RNF220: variants seen among roughly 807,000 people sequenced by gnomAD.
The protein encoded by RNF220 is ring finger protein 220, also known as E3 ubiquitin-protein ligase RNF220.
In RNF220, 7 loss-of-function variants were observed where a neutral mutation model predicts 67.1. That is an observed-to-expected ratio of 0.10 (90% CI 0.06 to 0.20). The LOEUF is 0.20. RNF220 is among the 10% of genes least tolerant of loss of function. The pLI is 1.00. For synonymous variants in RNF220, 270 were observed against 283.2 expected, an observed-to-expected ratio of 0.95 and a Z score of 0.47; for missense variants, 565 against 740.3, an observed-to-expected ratio of 0.76 and a Z score of 2.75.
At chr1:44,487,734 G>T (rs1003553407) in intron 2 of RNF220, among the ~76,000 whole-genome samples, 2 of 149,216 alleles carry the variant, frequency 1.3e-5, no homozygotes, top group Admixed American at 6.7e-5. Context: ...ACAAAAATTA[G>T]CTGAGCATGG....
intron 5 of RNF220, among the ~76,000 whole-genome samples, chr1:44,630,045 C>T (rs1322585283): frequency 2.6e-5 from 4 of 152,220 alleles, no homozygotes; most frequent in Admixed American, 2.6e-4. Flanking sequence ...TCAGCTATGT[C>T]GGATTTTTAA....
chr1:44,415,854 A>G (rs913648242), intron 2 of RNF220, among the ~76,000 whole-genome samples: 1 of 152,238 alleles, frequency 6.6e-6, no homozygotes, highest in African/African-American at 2.4e-5. Context: ...CACTACATCA[A>G]TCTGCAGATA....
intron 2 of RNF220, among the ~76,000 whole-genome samples, chr1:44,414,359 T>C (rs1326743282): frequency 2.0e-5 from 3 of 152,234 alleles, no homozygotes; most frequent in African/African-American, 4.8e-5. Flanking sequence ...CAAATACAAG[T>C]TGAAAATGAA....
chr1:44,638,280 A>T (rs1243975531), intron 8 of RNF220: 1 of 152,280 alleles, frequency 6.6e-6, no homozygotes, highest in African/African-American at 2.4e-5. Flanking sequence ...TGTGATTGAA[A>T]GGCAGTTAAA....
chr1:44,585,422 A>C (rs1296203099), intron 2 of RNF220, among the ~76,000 whole-genome samples: 1 of 152,212 alleles, frequency 6.6e-6, no homozygotes, highest in African/African-American at 2.4e-5. Context: ...CTTCTGGAAC[A>C]GTGTCATGCC....
chr1:44,559,111 C>T (rs1663353466), intron 2 of RNF220, among the ~76,000 whole-genome samples: 1 of 152,228 alleles, frequency 6.6e-6, no homozygotes, highest in East Asian at 1.9e-4. Context: ...ATTAAACTTG[C>T]CTTCTCGCTC....
At chr1:44,577,929 T>G (rs1664934867) in intron 2 of RNF220, among the ~76,000 whole-genome samples, 1 of 151,658 alleles carries the variant, frequency 6.6e-6, no homozygotes, top group Admixed American at 6.6e-5. Context: ...CTTGACCTTC[T>G]GGGCTCAAGT....
intron 2 of RNF220, among the ~76,000 whole-genome samples, chr1:44,547,571 G>T (rs1398040562): frequency 2.6e-5 from 4 of 151,776 alleles, no homozygotes; most frequent in Non-Finnish European, 5.9e-5. Flanking sequence ...GTGTTTCCCA[G>T]TGTTCTACCT....
intron 2 of RNF220, among the ~76,000 whole-genome samples, chr1:44,607,466 T>C (rs1246815026): frequency 6.6e-6 from 1 of 150,798 alleles, no homozygotes; most frequent in Non-Finnish European, 1.5e-5. Context: ...TTCTCCTGTA[T>C]ACCTTCAAAT....
At position 44,604,430 on chromosome 1, in the gene RNF220, G is replaced by T. The variant is rs183241098; in HGVS notation, c.626-9735G>T. Among the ~76,000 whole-genome samples, 435 of 152,354 alleles carry T rather than the reference G, an allele frequency of 2.9e-3. 2 individuals carry two copies. Among genetic ancestry groups the T allele is most frequent in the African/African-American group, 9.8e-3 (407 of 41,578 alleles). ...GAAACTGAATTGTAGCTCCACAAGA[G>T]GACAGAGGCTGTAGTTATGTTTGAA... On this transcript the variant is annotated intron_variant, in intron 2 of 14. Coordinates refer to ENST00000361799, the MANE Select transcript of RNF220 (RefSeq NM_018150.4).
At chr1:44,628,042 A>G (rs1226353751) in intron 5 of RNF220, among the ~76,000 whole-genome samples, 1 of 152,236 alleles carries the variant, frequency 6.6e-6, no homozygotes, top group African/African-American at 2.4e-5. Flanking sequence ...GAAGCCCAAT[A>G]AGCCCCTGGG....
chr1:44,608,348 G>C (rs1295174745), intron 2 of RNF220, among the ~76,000 whole-genome samples: 1 of 152,206 alleles, frequency 6.6e-6, no homozygotes, highest in Non-Finnish European at 1.5e-5. Context: ...TGGCATCTGT[G>C]CTATAGCGAC....
chr1:44,415,600 C>T (rs936573326), intron 2 of RNF220, among the ~76,000 whole-genome samples: 1 of 151,218 alleles, frequency 6.6e-6, no homozygotes, highest in African/African-American at 2.4e-5. Flanking sequence ...TTTCAGTTCT[C>T]TTCATATAAA....
chr1:44,507,978 A>G (rs1252956849), intron 2 of RNF220, among the ~76,000 whole-genome samples: 1 of 151,762 alleles, frequency 6.6e-6, no homozygotes, highest in Non-Finnish European at 1.5e-5. Context: ...TGGGCTCGGG[A>G]CAGACAGTCC....
intron 2 of RNF220, among the ~76,000 whole-genome samples, chr1:44,579,675 T>C (rs915350006): frequency 6.6e-6 from 1 of 152,172 alleles, no homozygotes. Flanking sequence ...CCTCATACTG[T>C]GACTTCTGCT....
At chr1:44,593,717 C>CA (rs1453772256) in intron 2 of RNF220, among the ~76,000 whole-genome samples, 1 of 151,632 alleles carries the variant, frequency 6.6e-6, no homozygotes, top group Admixed American at 6.6e-5. Flanking sequence ...GACCCTGTCT[C>CA]AAAAAAATTT....
At chr1:44,406,971 AGGG>A (rs1324994203) in intron 1 of RNF220, among the ~76,000 whole-genome samples, 1 of 152,174 alleles carries the variant, frequency 6.6e-6, no homozygotes, top group East Asian at 1.9e-4. Context: ...GCCAGGAGGC[AGGG>A]GGAAAGCTCT....
At chr1:44,630,066 C>T (rs973402292) in intron 5 of RNF220, among the ~76,000 whole-genome samples, 5 of 152,296 alleles carry the variant, frequency 3.3e-5, no homozygotes, top group Admixed American at 6.5e-5. Flanking sequence ...AGTCACTGAG[C>T]TAGGCCTTGA....
At chr1:44,593,903 G>A (rs965249830) in intron 2 of RNF220, among the ~76,000 whole-genome samples, 1 of 151,824 alleles carries the variant, frequency 6.6e-6, no homozygotes, top group Non-Finnish European at 1.5e-5. Context: ...TGGCCAACAT[G>A]GTGAAACCCT....
Sources: allele counts gnomAD v4.1 joint callset (sites outside exome capture counted in the v4.1 genomes callset), GRCh38; gene constraint gnomAD v4.1.1; transcripts MANE v1.5; gene names NCBI Gene and HGNC (gene_info 2026-07-23, HGNC 2026-07-21).